The following TEX36 variants were observed in gnomAD, a reference collection of about 807,000 sequenced individuals.
TEX36 encodes testis expressed 36.
A neutral mutation model predicts 13.6 loss-of-function variants in TEX36; 12 were observed. The observed-to-expected ratio is 0.88, with a 90% CI of 0.56 to 1.43. The LOEUF is 1.43. Among genes scored for constraint, TEX36 ranks in the 40% most tolerant of loss-of-function variants. The probability of loss-of-function intolerance (pLI) is 0.00; values close to 1 mark genes in which losing one functional copy is unlikely to be tolerated. For synonymous variants in TEX36, 93 were observed against 83.0 expected (o/e 1.12, Z -0.65); for missense variants, 224 against 228.3 (o/e 0.98, Z 0.12).
chr10:125,639,049 T>C (rs764535791), intron 3 of TEX36, among the ~76,000 whole-genome samples: 3 of 152,236 alleles, frequency 2.0e-5, no homozygotes, highest in Non-Finnish European at 2.9e-5. Flanking sequence ...TAGTAAATAG[T>C]TTGTTTTCTA....
intron 1 of TEX36, chr10:125,667,574 T>C: frequency 4.1e-6 from 3 of 737,352 alleles, no homozygotes; most frequent in Non-Finnish European, 7.7e-6. Context: ...ATACAACCCT[T>C]GGGTGGTGGT....
At chr10:125,635,195 T>C (rs1200856486) in intron 3 of TEX36, among the ~76,000 whole-genome samples, 2 of 152,160 alleles carry the variant, frequency 1.3e-5, no homozygotes, top group Non-Finnish European at 2.9e-5. Flanking sequence ...ACCACATTGC[T>C]CCATGCATTT....
intron 3 of TEX36, among the ~76,000 whole-genome samples, chr10:125,577,517 A>AC: frequency 6.6e-6 from 1 of 152,322 alleles, no homozygotes; most frequent in Non-Finnish European, 1.5e-5. Context: ...GAACACACAC[A>AC]AAAAAATTGA....
At chr10:125,611,412 TAAAA>T (rs764993165) in intron 3 of TEX36, among the ~76,000 whole-genome samples, 45 of 152,338 alleles carry the variant, frequency 3.0e-4, no homozygotes, top group Non-Finnish European at 5.6e-4. Flanking sequence ...CCTGAATAAA[TAAAA>T]AGACATGCTA....
downstream of TEX36, among the ~76,000 whole-genome samples, chr10:125,654,447 G>A (rs1161869124): frequency 6.6e-6 from 1 of 152,168 alleles, no homozygotes; most frequent in Non-Finnish European, 1.5e-5. Context: ...AAACAAAGGG[G>A]AAGATACAGT....
At chr10:125,600,278 C>A (rs1192401380) in intron 3 of TEX36, among the ~76,000 whole-genome samples, 1 of 151,892 alleles carries the variant, frequency 6.6e-6, no homozygotes, top group Non-Finnish European at 1.5e-5. Flanking sequence ...GTAGAGGGGC[C>A]CAGGGAGGTT....
chr10:125,610,350 C>T (rs1178475568), intron 3 of TEX36, among the ~76,000 whole-genome samples: 2 of 152,152 alleles, frequency 1.3e-5, no homozygotes, highest in African/African-American at 4.8e-5. Context: ...ACCCAGATGG[C>T]CTCCCAGGCT....
At chr10:125,669,149 G>A (rs931252385) in intron 1 of TEX36, among the ~76,000 whole-genome samples, 17 of 152,120 alleles carry the variant, frequency 1.1e-4, no homozygotes, top group Admixed American at 9.2e-4. Flanking sequence ...AAATTAGCTG[G>A]GTGTGATGGT....
chr10:125,588,391 C>T (rs1845983294), intron 3 of TEX36, among the ~76,000 whole-genome samples: 1 of 152,148 alleles, frequency 6.6e-6, no homozygotes, highest in Non-Finnish European at 1.5e-5. Context: ...AGAGAAATAC[C>T]TGAGGCTAGG....
chr10:125,623,035 T>C (rs1175524363), intron 3 of TEX36, among the ~76,000 whole-genome samples: 1 of 152,180 alleles, frequency 6.6e-6, no homozygotes, highest in Non-Finnish European at 1.5e-5. Flanking sequence ...GTGGTGCCAC[T>C]TCCACTTTCA....
chr10:125,592,186 C>T (rs1449058438), intron 3 of TEX36, among the ~76,000 whole-genome samples: 11 of 152,074 alleles, frequency 7.2e-5, no homozygotes, highest in Admixed American at 7.2e-4. Context: ...GTATCTTGTG[C>T]ATCCTAAACC....
chr10:125,677,719 T>C (rs1384031042), intron 1 of TEX36, among the ~76,000 whole-genome samples: 1 of 152,206 alleles, frequency 6.6e-6, no homozygotes, highest in African/African-American at 2.4e-5. Context: ...TCTCACTCTA[T>C]TGCCGAGGCT....
At chr10:125,647,346 A>G (rs1846785673) in intron 3 of TEX36, among the ~76,000 whole-genome samples, 1 of 152,360 alleles carries the variant, frequency 6.6e-6, no homozygotes, top group Middle Eastern at 3.4e-3. Context: ...GGGCTTTTAT[A>G]TGATGTGTAC....
intron 1 of TEX36, among the ~76,000 whole-genome samples, chr10:125,662,211 T>C (rs1249737180): frequency 1.3e-5 from 2 of 152,232 alleles, no homozygotes; most frequent in Non-Finnish European, 2.9e-5. Flanking sequence ...CCTGCTGAGC[T>C]GGAGCCTGGA....
chr10:125,631,752 T>C (rs1846557338), intron 3 of TEX36, among the ~76,000 whole-genome samples: 1 of 152,092 alleles, frequency 6.6e-6, no homozygotes, highest in Non-Finnish European at 1.5e-5. Flanking sequence ...CAACGCGTGC[T>C]ATATGTGTGG....
chr10:125,628,559 CGAT>C (rs1477173631), intron 3 of TEX36, among the ~76,000 whole-genome samples: 1 of 152,160 alleles, frequency 6.6e-6, no homozygotes, highest in Non-Finnish European at 1.5e-5. Flanking sequence ...TTTTCTCTCC[CGAT>C]GATGATAATT....
chr10:125,628,725 G>A (rs574644165), intron 3 of TEX36, among the ~76,000 whole-genome samples: 18 of 152,312 alleles, frequency 1.2e-4, no homozygotes, highest in Admixed American at 3.9e-4. Flanking sequence ...TTATTCTAAA[G>A]ATTTTTATAG....
intron 3 of TEX36, among the ~76,000 whole-genome samples, chr10:125,626,943 G>A (rs934715193): frequency 8.5e-5 from 13 of 152,202 alleles, no homozygotes; most frequent in African/African-American, 3.1e-4. Context: ...AAATGGAAGA[G>A]AGGAGACTGA....
chr10:125,678,465 C>T (rs1012310045), intron 1 of TEX36, among the ~76,000 whole-genome samples: 5 of 151,604 alleles, frequency 3.3e-5, no homozygotes, highest in African/African-American at 1.2e-4. Context: ...TAAGCTGGCA[C>T]CTGTTTTGGC....
Sources: allele counts gnomAD v4.1 joint callset (sites outside exome capture counted in the v4.1 genomes callset), GRCh38; gene constraint gnomAD v4.1.1; transcripts MANE v1.5; gene names NCBI Gene and HGNC (gene_info 2026-07-23, HGNC 2026-07-21).